RGPD3: variants seen among roughly 807,000 people sequenced by gnomAD.
The protein encoded by RGPD3 is ranBP2-like and GRIP domain-containing protein 3.
RGPD3 carries 62 observed loss-of-function variants against 154.5 expected under a neutral mutation model. The observed-to-expected ratio is 0.40, with a 90% confidence interval of 0.33 to 0.50. RGPD3 has a LOEUF of 0.50. RGPD3 is among the 20% of genes least tolerant of loss of function. The pLI is 0.59. For synonymous variants in RGPD3, 308 were observed against 607.0 expected (o/e 0.51, Z 7.24); for missense variants, 919 against 1,716.8 (o/e 0.54, Z 8.21).
intron 1 of RGPD3, among the ~76,000 whole-genome samples, chr2:106,461,813 A>G (rs1678412747): frequency 6.6e-6 from 1 of 152,124 alleles, no homozygotes; most frequent in Admixed American, 6.5e-5. Context: ...CACTGGCAAC[A>G]GAGCAAGACT....
rs1678586235 is a variant in RGPD3 at position 106,466,305 on chromosome 2, G to C, written c.72+1912C>G. 2.0e-5 allele frequency among the ~76,000 whole-genome samples: 3 copies of C among 151,166 alleles called. No individual in the cohort carries two copies. In the South Asian group the frequency reaches 6.3e-4, roughly 32 times the overall value. On this transcript the variant is annotated intron_variant, in intron 1 of 22. Coordinates refer to ENST00000409886, the MANE Select transcript of RGPD3 (RefSeq NM_001144013.2). ...GCGCCAGCCGGCGGGCGCCGCAACA[G>C]AGCGCGCCAGGGAGCAGCGCCCGTC... is the stretch of plus-strand genomic sequence containing the variant.
chr2:106,449,597 G>A (rs1392510067), intron 6 of RGPD3, among the ~76,000 whole-genome samples: 1 of 151,776 alleles, frequency 6.6e-6, no homozygotes, highest in Non-Finnish European at 1.5e-5. Context: ...CCCACATACG[G>A]CCGGGTGCAG....
chr2:106,466,523 G>C (rs894380284), intron 1 of RGPD3, among the ~76,000 whole-genome samples: 1 of 130,516 alleles, frequency 7.7e-6, no homozygotes, highest in Non-Finnish European at 1.7e-5. Context: ...GAGCCATGAC[G>C]CCTGAGCCAT....
At chr2:106,451,511 C>T (rs941776636) in intron 6 of RGPD3, among the ~76,000 whole-genome samples, 14 of 151,232 alleles carry the variant, frequency 9.3e-5, no homozygotes, top group African/African-American at 3.4e-4. Context: ...CAACTCCAAT[C>T]TTATAGTATG....
chr2:106,414,957 T>C (rs568815246), intron 21 of RGPD3, among the ~76,000 whole-genome samples: 2 of 152,140 alleles, frequency 1.3e-5, no homozygotes, highest in Non-Finnish European at 2.9e-5. Flanking sequence ...ATTTTTCTCT[T>C]AACCAGTGAT....
chr2:106,420,391 T>C (rs1217912678), intron 20 of RGPD3, among the ~76,000 whole-genome samples: 1 of 151,848 alleles, frequency 6.6e-6, no homozygotes. Context: ...GATCTACTAA[T>C]GTAAAGAAGA....
Position 106,434,252 on chromosome 2 carries a change from A to G in RGPD3, c.2181T>C (p.Asp727=). The G allele has an allele frequency of 6.3e-7, 1 of 1,594,480 alleles. No homozygotes were observed. Among genetic ancestry groups the G allele is most frequent in the Non-Finnish European group, 8.5e-7 (1 of 1,170,862 alleles). The change falls in exon 15 of 23, where the codon GAT becomes GAC. Residue 727 remains aspartate (D), a synonymous_variant. Coordinates refer to ENST00000409886, the MANE Select transcript of RGPD3 (RefSeq NM_001144013.2). Reference sequence around the variant, plus strand: ...CTTTCTTGACCACTGAAAGATTTGAATCACTGTCATCTAAAATCTTTATTA... The same window carrying G: ...CTTTCTTGACCACTGAAAGATTTGAGTCACTGTCATCTAAAATCTTTATTA... The part of the protein sequence containing the change: ...GYLIKILDDS[D]SNLSVVKKLP...
At chr2:106,446,431 G>A (rs1231970531) in intron 7 of RGPD3, among the ~76,000 whole-genome samples, 1 of 151,390 alleles carries the variant, frequency 6.6e-6, no homozygotes, top group Non-Finnish European at 1.5e-5. Context: ...TTAGCCAGGT[G>A]TGGTGGCGGG....
chr2:106,411,944 G>A (rs1203457584), intron 22 of RGPD3, among the ~76,000 whole-genome samples: 1 of 151,088 alleles, frequency 6.6e-6, no homozygotes, highest in Non-Finnish European at 1.5e-5. Flanking sequence ...CATAAACTAG[G>A]TATAGGTGAC....
rs754615829 is a variant in RGPD3, at chr2:106,424,696, C to A, written c.3271G>T (p.Glu1091Ter). The A allele has an allele frequency of 4.3e-6, 7 of 1,611,966 alleles. No individual in the cohort carries two copies. Among genetic ancestry groups the A allele is most frequent in the South Asian group, 1.1e-5 (1 of 90,988 alleles). Residue 1091 changes from glutamate (E) to a stop codon, truncating the protein, a stop_gained, in exon 20 of 23, where the codon GAG (glutamate) becomes TAG (stop). Transcript: ENST00000409886. LOFTEE classifies it high-confidence loss of function. ...AGCATTCTTACTTTGCCATTGACCT[C>A]GTTTTTGAGAATTTTTAAGTTCCCC... is the stretch of plus-strand genomic sequence containing the variant. ...GLGNLKILKN[E>*]VNGKVRMLMQ...
At position 106,415,911 on chromosome 2, in the gene RGPD3, T is replaced by A; in HGVS notation, c.5003A>T (p.His1668Leu). The change falls in exon 21 of 23, where the codon CAC (histidine) becomes CTC (leucine). Residue 1668 changes from histidine to leucine, a missense_variant. Coordinates refer to ENST00000409886, the MANE Select transcript of RGPD3 (RefSeq NM_001144013.2). ...KLSSTTKSAD[H>L]LNGLLREIEA... The stretch of plus-strand genomic sequence containing the variant: ...TATTTCCCGAAGCAGGCCGTTTAAG[T>A]GATCTGCACTTTTTGTGGTGGAACT... 1 of 1,611,882 alleles carries A rather than the reference T, an allele frequency of 6.2e-7. No homozygotes were observed.
At position 106,434,210 on chromosome 2, in the gene RGPD3, C is replaced by A. The variant is rs540497364; in HGVS notation, c.2205+18G>T. 3.6e-5 allele frequency: 57 copies of A among 1,587,558 alleles called. No homozygotes were observed. Among genetic ancestry groups the A allele is most frequent in the East Asian group, 2.7e-4 (12 of 43,764 alleles). ...TGGGTTATCAGTAAGAACGTACATA[C>A]AACAACCTGCTACTTACTTTCTTGA... On this transcript the variant is annotated intron_variant, in intron 15 of 22. Transcript: ENST00000409886.
intron 1 of RGPD3, among the ~76,000 whole-genome samples, chr2:106,464,572 TA>T (rs1430234146): frequency 2.0e-5 from 3 of 149,706 alleles, no homozygotes; most frequent in Middle Eastern, 3.4e-3. Context: ...GACCCTATTC[TA>T]AAAAAAATAT....
At chr2:106,434,424 C>T (rs1336584622) in intron 14 of RGPD3, 50 bp from the exon 15 acceptor site, 1 of 1,603,136 alleles carries the variant, frequency 6.2e-7, no homozygotes, top group Non-Finnish European at 8.5e-7. Flanking sequence ...AAACAAAAAA[C>T]TTTCAGCTTG....
chr2:106,434,131 T>C, intron 15 of RGPD3, 97 bp downstream of exon 15: 3 of 1,596,568 alleles, frequency 1.9e-6, no homozygotes, highest in Non-Finnish European at 2.6e-6. Context: ...AACATATTAC[T>C]GAGTATTTTT....
intron 11 of RGPD3, 39 bp downstream of exon 11, chr2:106,436,375 C>A (rs769468425): frequency 6.2e-7 from 1 of 1,608,550 alleles, no homozygotes; most frequent in Non-Finnish European, 8.5e-7. Flanking sequence ...GTAAAACCTA[C>A]GCACTAAGTG....
rs1464240374 is a variant in RGPD3, at chr2:106,468,346, C to A, written c.-58G>T. ...GACCAGCGCTCAGCCCCGCAGCAGT[C>A]GCCAATTCCAAGAGGAAAGCGCCTG... On this transcript the variant is annotated 5_prime_UTR_variant, in exon 1 of 23. Transcript: ENST00000409886. 3 of 1,560,136 alleles carry A rather than the reference C, an allele frequency of 1.9e-6. No homozygotes were observed. The highest frequency in any genetic ancestry group is 2.4e-5 in the East Asian group (1 of 41,746).
upstream of RGPD3, among the ~76,000 whole-genome samples, chr2:106,470,072 A>C (rs1306694415): frequency 6.6e-6 from 1 of 152,096 alleles, no homozygotes; most frequent in Middle Eastern, 3.2e-3. Flanking sequence ...GAATCATAGT[A>C]CTCTCTTCTC....
At chr2:106,448,218 C>G (rs1677993352) in intron 6 of RGPD3, among the ~76,000 whole-genome samples, 1 of 151,948 alleles carries the variant, frequency 6.6e-6, no homozygotes, top group African/African-American at 2.4e-5. Flanking sequence ...AGTGATTCTC[C>G]TGACTCAGCC....
Sources: allele counts gnomAD v4.1 joint callset (sites outside exome capture counted in the v4.1 genomes callset), GRCh38; gene constraint gnomAD v4.1.1; transcripts MANE v1.5; gene names NCBI Gene and HGNC (gene_info 2026-07-23, HGNC 2026-07-21).